The following MYO18A variants were observed in gnomAD, a reference collection of about 807,000 sequenced individuals.
MYO18A encodes unconventional myosin-XVIIIa.
In MYO18A, 78 loss-of-function variants were observed where a neutral mutation model predicts 235.8. The ratio of observed to expected loss-of-function variants is 0.33; its 90% confidence interval spans 0.28 to 0.40. The LOEUF (loss-of-function observed/expected upper bound fraction) is 0.40. Among genes scored for constraint, MYO18A ranks in the 10% least tolerant of loss-of-function variants. The pLI is 1.00. For missense variants in MYO18A, 2,215 were observed against 2,699.3 expected, an observed-to-expected ratio of 0.82 and a Z score of 3.98; for synonymous variants, 977 against 1,077.8, an observed-to-expected ratio of 0.91 and a Z score of 1.83.
chr17:29,136,607 G>A (rs1352836585), intron 2 of MYO18A, among the ~76,000 whole-genome samples: 1 of 152,132 alleles, frequency 6.6e-6, no homozygotes, highest in Non-Finnish European at 1.5e-5. Context: ...TGGTGATATG[G>A]GAATTATTAT....
chr17:29,130,941 T>C (rs547397466), intron 2 of MYO18A, among the ~76,000 whole-genome samples: 31 of 152,276 alleles, frequency 2.0e-4, no homozygotes, highest in African/African-American at 7.2e-4. Flanking sequence ...CTCCATGCCT[T>C]TGCCTTGTGC....
rs1018119496 is a variant in MYO18A at position 29,111,297 on chromosome 17, C to A, written c.2900+127G>T. 5.3e-6 allele frequency: 6 copies of A among 1,132,364 alleles called. No individual in the cohort carries two copies. In the South Asian group the frequency reaches 6.1e-5, roughly 12 times the overall value. 70.1% of individuals were successfully genotyped at this position (1,132,364 alleles called of 1,614,324 possible). A position where few individuals can be genotyped will look rare whatever the true frequency, so the allele number is the denominator to read the frequency against. On this transcript the variant is annotated intron_variant, in intron 17 of 41. Transcript: ENST00000527372. The surrounding 1 kb of genome is among the most constrained non-coding windows in gnomAD (Gnocchi z 5.1). ...CAAGGCCAAGTGCCCTGGGCTGTTG[C>A]CTCTCAGGAATAAAGGCCATCTACT...
intron 2 of MYO18A, chr17:29,129,237 G>C (rs11080078): frequency 0.45 from 166,725 of 371,892 alleles, 38,152 homozygotes; most frequent in East Asian, 0.85. Context: ...CAAGCACTGA[G>C]GAGCCCAGCA....
At position 29,139,477 on chromosome 17, in the gene MYO18A, G is replaced by A. The variant is rs534274772; in HGVS notation, c.1000-17224C>T. Among the ~76,000 whole-genome samples, 35 of 152,214 alleles carry A rather than the reference G, an allele frequency of 2.3e-4. 1 individual carries two copies. Among genetic ancestry groups the A allele is most frequent in the Admixed American group, 1.0e-3 (16 of 15,290 alleles). On this transcript the variant is annotated intron_variant, in intron 2 of 41. Coordinates refer to ENST00000527372, the MANE Select transcript of MYO18A (RefSeq NM_078471.4). ...CAACTCAGCCCTGGTGCCAGTTTGG[G>A]GGCTGAGGCAGGGCAGTCCTGAGCA...
intron 28 of MYO18A, among the ~76,000 whole-genome samples, chr17:29,095,762 A>G (rs1391164882): frequency 6.6e-6 from 1 of 152,202 alleles, no homozygotes; most frequent in African/African-American, 2.4e-5. Context: ...TGGAAGTTGA[A>G]TGCTCCCCTT....
chr17:29,126,126 A>T lies in MYO18A; in HGVS notation c.1000-3873T>A, dbSNP rs542115371. On this transcript the variant is annotated intron_variant, in intron 2 of 41. Transcript: ENST00000527372. The surrounding 1 kb of genome is among the most constrained non-coding windows in gnomAD (Gnocchi z 4.1). ...GAGTTTTTAAACCATCAGATTAGAA[A>T]AAAAAGAACAAGTGCCTGGGAGTTC... Among the ~76,000 whole-genome samples, 29 of 152,314 alleles carry T rather than the reference A, an allele frequency of 1.9e-4. 1 individual carries two copies. In the South Asian group the frequency reaches 5.8e-3, roughly 30 times the overall value.
chr17:29,171,538 A>G (rs556612329), intron 1 of MYO18A, among the ~76,000 whole-genome samples: 2 of 152,318 alleles, frequency 1.3e-5, no homozygotes, highest in South Asian at 2.1e-4. Context: ...TATGTATGTT[A>G]AAGTATTTGG....
intron 2 of MYO18A, among the ~76,000 whole-genome samples, chr17:29,127,045 C>T (rs2067338388): frequency 6.6e-6 from 1 of 152,190 alleles, no homozygotes; most frequent in Non-Finnish European, 1.5e-5. Context: ...GCACCACTAT[C>T]AACGCTACCA....
At position 29,087,038 on chromosome 17, in the gene MYO18A, C is replaced by T. The variant is rs1418553969; in HGVS notation, c.5610G>A (p.Lys1870=). The change falls in exon 38 of 42, where the codon AAG becomes AAA. Residue 1870 remains lysine, a synonymous_variant. Transcript: ENST00000527372. ...GCCTCTGTAGCCGCTTGTTCTGTTC[C>T]TTCTCCCGGTTCTCGGCTGCAATGC... The part of the protein sequence containing the change: ...DQRIAAENRE[K]EQNKRLQRQL... The T allele has an allele frequency of 6.2e-7, 1 of 1,614,050 alleles. No individual in the cohort carries two copies. The highest frequency in any genetic ancestry group is 8.5e-7 in the Non-Finnish European group (1 of 1,179,896).
intron 41 of MYO18A, chr17:29,080,432 T>C (rs990807324): frequency 2.0e-6 from 2 of 985,904 alleles, no homozygotes; most frequent in Non-Finnish European, 2.4e-6. Flanking sequence ...CTCAGGGCCA[T>C]ACTGGCTCCA....
In MYO18A at chr17:29,074,076, C is replaced by T. The variant is rs745840412; in HGVS notation, c.*694G>A. 1.8e-5 allele frequency: 29 copies of T among 1,614,090 alleles called. No homozygotes were observed. The highest frequency in any genetic ancestry group is 5.0e-5 in the Admixed American group (3 of 60,016). ...TCTGCGTAGGCTTGCTCAACCCAGCCCAGCAGCACCGGAGAGCCCCTCCGC... is the reference window on the plus strand; with the variant it reads ...TCTGCGTAGGCTTGCTCAACCCAGCTCAGCAGCACCGGAGAGCCCCTCCGC... On this transcript the variant is annotated 3_prime_UTR_variant, in exon 42 of 42. Transcript: ENST00000527372. The surrounding 1 kb of genome is among the most constrained non-coding windows in gnomAD (Gnocchi z 4.4).
In MYO18A at chr17:29,140,342, G is replaced by T. The variant is rs758565311; in HGVS notation, c.1000-18089C>A. 2.4e-6 allele frequency: 3 copies of T among 1,271,692 alleles called. No homozygotes were observed. Among genetic ancestry groups the T allele is most frequent in the African/African-American group, 1.5e-5 (1 of 64,976 alleles). The allele number at this position is 1,271,692 out of a possible 1,614,324, so 78.8% of individuals were successfully genotyped here. A position where few individuals can be genotyped will look rare whatever the true frequency, so the allele number is the denominator to read the frequency against. ...TGGGGGGTCAGAGGGACACTCACCC[G>T]CATGGCCTGGCCTGGAGCAGCCCAG... On this transcript the variant is annotated intron_variant, in intron 2 of 41. Transcript: ENST00000527372. The surrounding 1 kb of genome is among the most constrained non-coding windows in gnomAD (Gnocchi z 4.2).
intron 41 of MYO18A, 57 bp downstream of exon 41, chr17:29,082,259 G>C: frequency 6.2e-7 from 1 of 1,610,004 alleles, no homozygotes. Context: ...GGCGCTACTT[G>C]TCCATTCCTT....
chr17:29,101,027 T>C (rs1882245033), intron 21 of MYO18A, among the ~76,000 whole-genome samples: 1 of 152,242 alleles, frequency 6.6e-6, no homozygotes, highest in Admixed American at 6.5e-5. Flanking sequence ...TTGAACAGTC[T>C]TGCTCTGTCA....
chr17:29,153,921 C>T (rs2152953618), intron 2 of MYO18A, among the ~76,000 whole-genome samples: 1 of 152,238 alleles, frequency 6.6e-6, no homozygotes, highest in East Asian at 1.9e-4. Flanking sequence ...GACAAGGGGG[C>T]TGGGGGAGGA....
chr17:29,080,573 G>A (rs1001705091), intron 41 of MYO18A: 34 of 985,774 alleles, frequency 3.4e-5, no homozygotes, highest in Admixed American at 6.1e-5. Context: ...GAGGTGCTGC[G>A]GCGGGAACCG....
intron 15 of MYO18A, 69 bp downstream of exon 15, chr17:29,113,942 G>T: frequency 7.8e-7 from 1 of 1,276,192 alleles, no homozygotes; most frequent in Non-Finnish European, 1.1e-6. Flanking sequence ...GATGGGGAGG[G>T]CTCCACCACG....
At chr17:29,138,560 A>G (rs2067660816) in intron 2 of MYO18A, among the ~76,000 whole-genome samples, 1 of 152,174 alleles carries the variant, frequency 6.6e-6, no homozygotes, top group Non-Finnish European at 1.5e-5. Context: ...ATAGTAAAAA[A>G]CGGTTAATCA....
At chr17:29,168,330 C>G (rs1270094577) in intron 1 of MYO18A, among the ~76,000 whole-genome samples, 1 of 152,200 alleles carries the variant, frequency 6.6e-6, no homozygotes, top group Non-Finnish European at 1.5e-5. Context: ...CACCAACCTA[C>G]CCAACCCCCT....
Sources: allele counts gnomAD v4.1 joint callset (sites outside exome capture counted in the v4.1 genomes callset), GRCh38; gene constraint gnomAD v4.1.1; non-coding constraint Gnocchi (gnomAD v3.1); transcripts MANE v1.5; gene names NCBI Gene and HGNC (gene_info 2026-07-23, HGNC 2026-07-21).